Variants in NFKBIZ observed in about 807,000 individuals in gnomAD.
NFKBIZ encodes NFKB inhibitor zeta.
Under a neutral mutation model 76.8 loss-of-function variants are expected in NFKBIZ, and 19 were observed. The ratio of observed to expected loss-of-function variants is 0.25; its 90% CI spans 0.17 to 0.36. NFKBIZ has a LOEUF of 0.36. Ranked by LOEUF, NFKBIZ falls within the 10% of genes least tolerant of loss-of-function variation. NFKBIZ has a pLI of 1.00. For missense variants in NFKBIZ, 829 were observed against 910.9 expected, an observed-to-expected ratio of 0.91 and a Z score of 1.16; for synonymous variants, 368 against 354.8, an observed-to-expected ratio of 1.04 and a Z score of -0.42.
intron 11 of NFKBIZ, among the ~76,000 whole-genome samples, chr3:101,858,940 A>T (rs903536883): frequency 6.6e-6 from 1 of 152,230 alleles, no homozygotes; most frequent in African/African-American, 2.4e-5. Context: ...GCTGACTTCA[A>T]GATAAGTGAG....
chr3:101,843,229 G>A (rs1942810600), intron 2 of NFKBIZ, among the ~76,000 whole-genome samples: 2 of 151,980 alleles, frequency 1.3e-5, no homozygotes, highest in East Asian at 1.9e-4. Context: ...GAAGCCAGGA[G>A]TTCCAGACAA....
chr3:101,850,157 C>G, intron 1 of NFKBIZ: 1 of 398,338 alleles, frequency 2.5e-6, no homozygotes, highest in Non-Finnish European at 4.4e-6. Context: ...TCAGAAACCG[C>G]TCGGCCGAGC....
At chr3:101,832,886 A>T (rs987816682) in intron 2 of NFKBIZ, among the ~76,000 whole-genome samples, 1 of 152,208 alleles carries the variant, frequency 6.6e-6, no homozygotes, top group Non-Finnish European at 1.5e-5. Context: ...TACACAGTGG[A>T]TGCACCATGA....
In NFKBIZ at chr3:101,858,256, G is replaced by A. The variant is rs887903857; in HGVS notation, c.2103+797G>A. On this transcript the variant is annotated intron_variant, in intron 11 of 11. Transcript: ENST00000326172. ...TCTGAGCTGTCATTATGACCATAAT[G>A]TTATAGTAGCCCCTATTTATAGAGC... The A allele has an allele frequency of 6.1e-6, 6 of 979,022 alleles. No homozygotes were observed. In the African/African-American group the frequency reaches 8.8e-5, roughly 14 times the overall value. 60.6% of individuals were successfully genotyped at this position (979,022 alleles called of 1,614,324 possible).
chr3:101,851,678 A>G (rs1003750371), intron 1 of NFKBIZ, among the ~76,000 whole-genome samples: 6 of 152,226 alleles, frequency 3.9e-5, no homozygotes, highest in Admixed American at 3.3e-4. Context: ...TCCAAAGTCA[A>G]GAATAATTAT....
chr3:101,860,893 A>G lies in NFKBIZ; in HGVS notation c.*1522A>G, dbSNP rs2107427596. The G allele has an allele frequency of 6.6e-6, 1 of 151,794 alleles. No homozygotes were observed. The highest frequency in any genetic ancestry group is 2.4e-5 in the African/African-American group (1 of 41,398). 9.4% of individuals were successfully genotyped at this position (151,794 alleles called of 1,614,324 possible). On this transcript the variant is annotated 3_prime_UTR_variant, in exon 12 of 12. Transcript: ENST00000326172. ...AAAAGATACCCTTTGGATTGATCACATTGTTTGACCCAGTATGTCTTGTAG... is the reference window on the plus strand; with the variant it reads ...AAAAGATACCCTTTGGATTGATCACGTTGTTTGACCCAGTATGTCTTGTAG...
At chr3:101,848,659 A>G (rs563556950), upstream of NFKBIZ, among the ~76,000 whole-genome samples, 3 of 152,366 alleles carry the variant, frequency 2.0e-5, no homozygotes, top group African/African-American at 7.2e-5. Flanking sequence ...GAAAGGCCAA[A>G]ATTACTGTGT....
At chr3:101,854,777 G>A in intron 6 of NFKBIZ, 94 bp downstream of exon 6, 1 of 822,144 alleles carries the variant, frequency 1.2e-6, no homozygotes, top group Non-Finnish European at 1.9e-6. Context: ...TAGAGCTCAA[G>A]ATCAAGAGAG....
At position 101,853,476 on chromosome 3, in the gene NFKBIZ, C is replaced by T; in HGVS notation, c.950C>T (p.Pro317Leu). The change falls in exon 5 of 12, where the codon CCC becomes CTC. Residue 317 changes from proline (P) to leucine (L), a missense_variant. Pro to Leu is a moderately conservative substitution (Grantham distance 98). This residue lies in a region of NFKBIZ where 371 missense variants were observed against 332.3 expected (regional missense o/e 1.12). Transcript: ENST00000326172. ...GAATACAGTCCTTTTCCCATACCTC[C>T]CCAGTCCCCCGCTTATGAACCAAAC... ...TLEYSPFPIP[P>L]QSPAYEPNLF... 1 of 1,614,206 alleles carries T rather than the reference C, an allele frequency of 6.2e-7. No homozygotes were observed. Among genetic ancestry groups the T allele is most frequent in the Non-Finnish European group, 8.5e-7 (1 of 1,180,030 alleles).
At chr3:101,835,450 G>A (rs1367571046) in intron 2 of NFKBIZ, among the ~76,000 whole-genome samples, 1 of 152,222 alleles carries the variant, frequency 6.6e-6, no homozygotes, top group Non-Finnish European at 1.5e-5. Flanking sequence ...ACCACAGGCT[G>A]CGTGGCTTAA....
rs763314088 is a variant in NFKBIZ at position 101,859,400 on chromosome 3, C to T, written c.*29C>T. ...CATTAGCTTGGAGCCTGGCTAGCAA[C>T]ACTCACTGTCAGTTAGGCAGTCCTG... is the stretch of plus-strand genomic sequence containing the variant. On this transcript the variant is annotated 3_prime_UTR_variant, in exon 12 of 12. Coordinates refer to ENST00000326172, the MANE Select transcript of NFKBIZ (RefSeq NM_031419.4). 1 of 1,596,022 alleles carries T rather than the reference C, an allele frequency of 6.3e-7. No individual in the cohort carries two copies. The highest frequency in any genetic ancestry group is 1.3e-5 in the African/African-American group (1 of 74,538).
rs1318969953 is a variant in NFKBIZ, at chr3:101,860,592, T to C, written c.*1221T>C. 6.6e-6 allele frequency: 1 copy of C among 152,164 alleles called. No homozygotes were observed. The highest frequency in any genetic ancestry group is 2.4e-5 in the African/African-American group (1 of 41,432). 9.4% of individuals were successfully genotyped at this position (152,164 alleles called of 1,614,324 possible). On this transcript the variant is annotated 3_prime_UTR_variant, in exon 12 of 12. Transcript: ENST00000326172. Reference sequence around the variant, plus strand: ...TTATTGAAACAACAAAAAGTCAGTATTGAAACATATCTTCCTGTTTTCTGT... The same window carrying C: ...TTATTGAAACAACAAAAAGTCAGTACTGAAACATATCTTCCTGTTTTCTGT...
intron 2 of NFKBIZ, among the ~76,000 whole-genome samples, chr3:101,838,709 AT>A (rs754461150): frequency 8.5e-5 from 13 of 152,224 alleles, no homozygotes; most frequent in Non-Finnish European, 1.3e-4. Context: ...TGAATAAATA[AT>A]TGTCATCAAC....
At chr3:101,837,036 C>T (rs1256620708) in intron 2 of NFKBIZ, among the ~76,000 whole-genome samples, 1 of 152,110 alleles carries the variant, frequency 6.6e-6, no homozygotes, top group South Asian at 2.1e-4. Flanking sequence ...TCTCATTGTA[C>T]CGATGTGGGT....
At position 101,849,931 on chromosome 3, in the gene NFKBIZ, C is replaced by T. The variant is rs1192062882; in HGVS notation, c.289+14C>T. ...AGCGCCAGCCAGGTACCCGCCGGCC[C>T]CGCACCGCTGCGTACTCGGGGCGCG... On this transcript the variant is annotated intron_variant, in intron 1 of 11. Transcript: ENST00000326172. The T allele has an allele frequency of 1.4e-6, 2 of 1,382,928 alleles. No individual in the cohort carries two copies. The highest frequency in any genetic ancestry group is 3.0e-5 in the African/African-American group (2 of 65,950). 85.7% of individuals were successfully genotyped at this position (1,382,928 alleles called of 1,614,324 possible).
rs962752222 is a variant in NFKBIZ, at chr3:101,849,748, G to A, written c.120G>A (p.Pro40=). ...LNLSYFYGAS[P]PAAAPGACDA... Reference sequence around the variant, plus strand: ...TGAGCTACTTCTACGGCGCGTCGCCGCCCGCCGCCGCCCCGGGCGCCTGCG... The same window carrying A: ...TGAGCTACTTCTACGGCGCGTCGCCACCCGCCGCCGCCCCGGGCGCCTGCG... Residue 40 remains proline, a synonymous_variant, in exon 1 of 12, where the codon CCG becomes CCA. Coordinates refer to ENST00000326172, the MANE Select transcript of NFKBIZ (RefSeq NM_031419.4). 2.8e-6 allele frequency: 4 copies of A among 1,447,636 alleles called. No individual in the cohort carries two copies. Among genetic ancestry groups the A allele is most frequent in the Admixed American group, 2.6e-5 (1 of 38,512 alleles). The allele number at this position is 1,447,636 out of a possible 1,614,324, so 89.7% of individuals were successfully genotyped here.
At chr3:101,857,753 G>C in intron 11 of NFKBIZ, 1 of 985,430 alleles carries the variant, frequency 1.0e-6, no homozygotes, top group Non-Finnish European at 1.2e-6. Context: ...GGAAAGAGAA[G>C]ATACCAAGGT....
At chr3:101,834,979 C>T (rs561490957) in intron 2 of NFKBIZ, among the ~76,000 whole-genome samples, 2 of 152,166 alleles carry the variant, frequency 1.3e-5, no homozygotes, top group Non-Finnish European at 2.9e-5. Flanking sequence ...CAAGTTGGGC[C>T]GATGGTCCAA....
chr3:101,854,619 C>G lies in NFKBIZ; in HGVS notation c.1379C>G (p.Ser460Cys). 1 of 1,613,314 alleles carries G rather than the reference C, an allele frequency of 6.2e-7. No individual in the cohort carries two copies. The highest frequency in any genetic ancestry group is 8.5e-7 in the Non-Finnish European group (1 of 1,179,856). The change falls in exon 6 of 12, where the codon TCC becomes TGC. Residue 460 changes from serine to cysteine, a missense_variant. Transcript: ENST00000326172. ...GTTGCCCAAGGGAGAAGGGCACTTTCCTATGTTCTTGCAAGAAAGATGAAT... is the reference window on the plus strand; with the variant it reads ...GTTGCCCAAGGGAGAAGGGCACTTTGCTATGTTCTTGCAAGAAAGATGAAT... ...IAVAQGRRAL[S>C]YVLARKMNAL...
Sources: gnomAD v4.1 joint callset for allele counts (sites outside exome capture counted in the v4.1 genomes callset) on GRCh38, gnomAD v4.1.1 for gene constraint, gnomAD v4.1.1 regional missense constraint, MANE v1.5 for transcripts, NCBI Gene and HGNC (gene_info 2026-07-23, HGNC 2026-07-21) for gene names.